The following TMEM63C variants were observed in gnomAD, a reference collection of about 807,000 sequenced individuals.
TMEM63C encodes transmembrane protein 63C.
TMEM63C carries 32 observed loss-of-function variants against 99.2 expected under a neutral mutation model. The observed-to-expected ratio is 0.32, with a 90% confidence interval of 0.24 to 0.43. The LOEUF is 0.43. TMEM63C is among the 20% of genes least tolerant of loss of function. The pLI, the probability that TMEM63C is intolerant of heterozygous loss-of-function variation, is 1.00. For synonymous variants in TMEM63C, 376 were observed against 397.9 expected (o/e 0.94, Z 0.66); for missense variants, 826 against 1,053.0 (o/e 0.78, Z 2.98).
intron 1 of TMEM63C, among the ~76,000 whole-genome samples, chr14:77,206,740 A>G (rs528794094): frequency 8.5e-5 from 13 of 152,188 alleles, no homozygotes; most frequent in Non-Finnish European, 1.8e-4. Context: ...GATTACATGG[A>G]TATCTGTCAA....
chr14:77,257,946 C>G lies in TMEM63C; in HGVS notation c.*1220C>G, dbSNP rs1193933134. 1 of 152,276 alleles carries G rather than the reference C, an allele frequency of 6.6e-6. No homozygotes were observed. The highest frequency in any genetic ancestry group is 1.5e-5 in the Non-Finnish European group (1 of 68,134). The allele number at this position is 152,276 out of a possible 1,614,324, so 9.4% of individuals were successfully genotyped here. ...AAGGCCACGTGCTCCAGGGAGAAGC[C>G]CTTTCTGGAGAAGCAAGGCTGTCCT... On this transcript the variant is annotated 3_prime_UTR_variant, in exon 24 of 24. Transcript: ENST00000298351.
intron 22 of TMEM63C, 54 bp from the exon 23 acceptor site, chr14:77,253,251 T>C: frequency 1.9e-6 from 3 of 1,546,152 alleles, no homozygotes; most frequent in South Asian, 1.2e-5. Context: ...TCTGGATGAA[T>C]GGGGAGGGGC....
At chr14:77,205,298 C>G (rs2140099728) in intron 1 of TMEM63C, among the ~76,000 whole-genome samples, 1 of 152,358 alleles carries the variant, frequency 6.6e-6, no homozygotes, top group East Asian at 1.9e-4. Context: ...TCCATCACAG[C>G]CTGGTCCAGG....
At chr14:77,253,430 C>A in intron 23 of TMEM63C, 54 bp downstream of exon 23, 2 of 1,514,650 alleles carry the variant, frequency 1.3e-6, no homozygotes, top group South Asian at 1.2e-5. Flanking sequence ...CAGGGATGGT[C>A]TACTCTAGTG....
intron 1 of TMEM63C, chr14:77,200,954 G>A (rs914624033): frequency 6.8e-6 from 1 of 147,576 alleles, no homozygotes; most frequent in Admixed American, 6.7e-5. Context: ...TAAGTGCTCA[G>A]TTAAAGTGAT....
intron 5 of TMEM63C, among the ~76,000 whole-genome samples, chr14:77,220,584 T>TTCAGCCACTTGCTGTGTG (rs1437871606): frequency 6.6e-6 from 1 of 152,084 alleles, no homozygotes; most frequent in Non-Finnish European, 1.5e-5. Context: ...CATGCATTCC[T>TTCAGCCACTTGCTGTGTG]TCAGCCACTT....
At chr14:77,240,750 A>G (rs1271386982) in intron 13 of TMEM63C, 142 bp downstream of exon 13, 2 of 1,111,280 alleles carry the variant, frequency 1.8e-6, no homozygotes, top group Non-Finnish European at 2.5e-6. Flanking sequence ...CTGGCTCTCC[A>G]GTGGATGAGA....
chr14:77,239,691 C>T lies in TMEM63C; in HGVS notation c.895C>T (p.Leu299=). ...GATCAGGATCCACCCCTGTGCCCGC[C>T]TGTGCTTCTGCAAGTGCTGGACCTG... ...VMIRIHPCAR[L]CFCKCWTCFK... Residue 299 remains leucine, a synonymous_variant, in exon 12 of 24, where the codon CTG becomes TTG. Transcript: ENST00000298351. 6.2e-7 allele frequency: 1 copy of T among 1,613,192 alleles called. No homozygotes were observed. Among genetic ancestry groups the T allele is most frequent in the Non-Finnish European group, 8.5e-7 (1 of 1,179,672 alleles).
At position 77,248,841 on chromosome 14, in the gene TMEM63C, C is replaced by G; in HGVS notation, c.1839C>G (p.Tyr613Ter). 1 of 1,614,076 alleles carries G rather than the reference C, an allele frequency of 6.2e-7. No individual in the cohort carries two copies. The highest frequency in any genetic ancestry group is 8.5e-7 in the Non-Finnish European group (1 of 1,179,906). ...MMNVFSVVMA[Y>*]SITCPIIVPF... is the part of the protein sequence containing the mutation. Reference sequence around the variant, plus strand: ...ACGTGTTCAGCGTGGTGATGGCGTACAGCATCACTTGCCCCATCATTGTGC... The same window carrying G: ...ACGTGTTCAGCGTGGTGATGGCGTAGAGCATCACTTGCCCCATCATTGTGC... Residue 613 changes from tyrosine (Y) to a stop codon, truncating the protein, a stop_gained, in exon 20 of 24, where the codon TAC becomes TAG. Coordinates refer to ENST00000298351, the MANE Select transcript of TMEM63C (RefSeq NM_020431.4). LOFTEE classifies it high-confidence loss of function.
intron 1 of TMEM63C, among the ~76,000 whole-genome samples, chr14:77,203,144 G>A (rs912159529): frequency 6.6e-6 from 1 of 152,152 alleles, no homozygotes; most frequent in Non-Finnish European, 1.5e-5. Flanking sequence ...TTGGGAGGCC[G>A]AGGTGGGTGA....
chr14:77,248,435 C>A lies in TMEM63C; in HGVS notation c.1690C>A (p.Leu564Met). The A allele has an allele frequency of 6.3e-7, 1 of 1,587,532 alleles. No homozygotes were observed. Among genetic ancestry groups the A allele is most frequent in the Non-Finnish European group, 8.6e-7 (1 of 1,167,290 alleles). The part of the protein sequence containing the change: ...LLGTGMELLR[L>M]GSLFCYSTRL... ...TGGCACAGGCATGGAGCTGCTGCGT[C>A]TGGGGTCACTCTTCTGCTACAGCAC... Residue 564 changes from leucine to methionine, a missense_variant, in exon 19 of 24, where the codon CTG (leucine) becomes ATG (methionine). Transcript: ENST00000298351.
chr14:77,217,855 A>G (rs372601220), intron 2 of TMEM63C, among the ~76,000 whole-genome samples: 15 of 152,306 alleles, frequency 9.8e-5, no homozygotes, highest in East Asian at 3.9e-4. Context: ...AACTCCACAT[A>G]TTTCCAGCTA....
At chr14:77,241,147 C>T (rs1336519425) in intron 13 of TMEM63C, among the ~76,000 whole-genome samples, 3 of 151,948 alleles carry the variant, frequency 2.0e-5, no homozygotes, top group Non-Finnish European at 4.4e-5. Flanking sequence ...GACGGGGTTT[C>T]ACCATGTTGG....
chr14:77,225,067 C>T (rs976036302), intron 5 of TMEM63C, among the ~76,000 whole-genome samples: 2 of 152,186 alleles, frequency 1.3e-5, no homozygotes, highest in African/African-American at 2.4e-5. Context: ...AGAGTAGGAG[C>T]CCACTGGACC....
At chr14:77,219,408 C>T in intron 3 of TMEM63C, 90 bp from the exon 4 acceptor site, 1 of 1,358,810 alleles carries the variant, frequency 7.4e-7, no homozygotes, top group Non-Finnish European at 1.0e-6. Flanking sequence ...ACCTCAGGGA[C>T]AGGGTCTCCC....
chr14:77,256,816 C>A lies in TMEM63C; in HGVS notation c.*90C>A. 8.2e-7 allele frequency: 1 copy of A among 1,224,222 alleles called. No homozygotes were observed. Among genetic ancestry groups the A allele is most frequent in the Non-Finnish European group, 1.2e-6 (1 of 864,750 alleles). The allele number at this position is 1,224,222 out of a possible 1,614,324, so 75.8% of individuals were successfully genotyped here. On this transcript the variant is annotated 3_prime_UTR_variant, in exon 24 of 24. Transcript: ENST00000298351. ...CAGGAGGGTGGCCTGGACCTCCCCACTACCTCCTGCAGACTTTGAGAAGCC... is the reference window on the plus strand; with the variant it reads ...CAGGAGGGTGGCCTGGACCTCCCCAATACCTCCTGCAGACTTTGAGAAGCC...
At chr14:77,219,083 GC>G in intron 3 of TMEM63C, 120 bp downstream of exon 3, 1 of 1,193,712 alleles carries the variant, frequency 8.4e-7, no homozygotes, top group Non-Finnish European at 1.1e-6. Flanking sequence ...GATACAAACT[GC>G]CTGAATGTCA....
At chr14:77,246,930 T>A (rs911191832) in intron 18 of TMEM63C, among the ~76,000 whole-genome samples, 1 of 152,192 alleles carries the variant, frequency 6.6e-6, no homozygotes, top group Non-Finnish European at 1.5e-5. Context: ...CCAAACTGTA[T>A]GCAGGGTGGG....
rs1399688353 is a variant in TMEM63C at position 77,249,453 on chromosome 14, G to A, written c.2033G>A (p.Arg678Gln). ...TGGATGCTGTTCTTCTCCATCCTGC[G>A]GTTGGGTAGGTACCAAGCCAGCCTG... is the stretch of plus-strand genomic sequence containing the variant. ...LFWMLFFSIL[R>Q]LGSLHAITIF... The change falls in exon 21 of 24, where the codon CGG becomes CAG. Residue 678 changes from arginine (R) to glutamine (Q), a missense_variant. By Grantham distance (43) the Arg-to-Gln change is conservative. Transcript: ENST00000298351. The A allele has an allele frequency of 5.6e-6, 9 of 1,613,708 alleles. 1 individual carries two copies. Among genetic ancestry groups the A allele is most frequent in the South Asian group, 2.2e-5 (2 of 91,072 alleles).
Sources: allele counts gnomAD v4.1 joint callset (sites outside exome capture counted in the v4.1 genomes callset), GRCh38; gene constraint gnomAD v4.1.1; transcripts MANE v1.5; gene names NCBI Gene and HGNC (gene_info 2026-07-23, HGNC 2026-07-21).